Variants in DNAH17 observed in about 807,000 individuals in gnomAD.
The protein encoded by DNAH17 is dynein axonemal heavy chain 17.
DNAH17 carries 376 observed loss-of-function variants against 485.6 expected under a neutral mutation model. That is an observed-to-expected ratio of 0.77 (90% CI 0.71 to 0.84). DNAH17 has a LOEUF of 0.84. Ranked by LOEUF, DNAH17 falls within the 40% of genes least tolerant of loss-of-function variation. The probability of loss-of-function intolerance (pLI) is 0.00; values close to 1 mark genes in which losing one functional copy is unlikely to be tolerated. For missense variants in DNAH17, 6,370 were observed against 5,839.3 expected, an observed-to-expected ratio of 1.09 and a Z score of -2.96; for synonymous variants, 3,031 against 2,405.9, an observed-to-expected ratio of 1.26 and a Z score of -7.60.
In DNAH17 at chr17:78,525,121, G is replaced by A. The variant is rs374735478; in HGVS notation, c.3752C>T (p.Ala1251Val). 52 of 1,613,674 alleles carry A rather than the reference G, an allele frequency of 3.2e-5. 1 individual carries two copies. The South Asian group carries it at 4.3e-4, about 13-fold the overall frequency. ...GAACAGGCCCCCGGACTTGGACAGC[G>A]CCTCCATGATGCCTTCCATGGCGGA... Reference protein sequence around the residue: ...SISAMEGIMEALSKSGGLFEV... With the variant: ...SISAMEGIMEVLSKSGGLFEV... The change falls in exon 25 of 81, where the codon GCG becomes GTG. Residue 1251 changes from alanine (A) to valine (V), a missense_variant. Transcript: ENST00000389840.
chr17:78,438,108 G>A (rs796836694), intron 73 of DNAH17, among the ~76,000 whole-genome samples: 14 of 152,110 alleles, frequency 9.2e-5, no homozygotes, highest in African/African-American at 2.9e-4. Context: ...TCAATGAATT[G>A]CAAACCTCCA....
In DNAH17 at chr17:78,569,421, T is replaced by TAG. The variant is rs2092317779; in HGVS notation, c.1149_1150dup (p.Tyr384SerfsTer10). 1 of 1,612,700 alleles carries TAG rather than the reference T, an allele frequency of 6.2e-7. No individual in the cohort carries two copies. Among genetic ancestry groups the TAG allele is most frequent in the Non-Finnish European group, 8.5e-7 (1 of 1,179,360 alleles). ...CACGCAGCAGAAGTCGTACGTCTGG[T>TAG]AGAGCTCCTTCAGCACATTTACAGC... On this transcript the variant is annotated frameshift_variant, in exon 8 of 81. Coordinates refer to ENST00000389840, the MANE Select transcript of DNAH17 (RefSeq NM_173628.4). LOFTEE classifies it high-confidence loss of function.
At position 78,455,616 on chromosome 17, in the gene DNAH17, C is replaced by T. The variant is rs112076559; in HGVS notation, c.10170+28G>A. The T allele has an allele frequency of 0.032, 48,295 of 1,492,004 alleles. 967 individuals are homozygous for T. The highest frequency in any genetic ancestry group is 0.072 in the South Asian group (5,419 of 75,634). 92.4% of individuals were successfully genotyped at this position (1,492,004 alleles called of 1,614,324 possible). A position where few individuals can be genotyped will look rare whatever the true frequency, so the allele number is the denominator to read the frequency against. ...TGCTGGCATTACAGGCGTGAGCCACCGCGCCTGGCCAGGACTCCACTCCTT... is the reference window on the plus strand; with the variant it reads ...TGCTGGCATTACAGGCGTGAGCCACTGCGCCTGGCCAGGACTCCACTCCTT... On this transcript the variant is annotated intron_variant, in intron 63 of 80. Transcript: ENST00000389840.
intron 16 of DNAH17, among the ~76,000 whole-genome samples, chr17:78,545,057 AC>A (rs1482817797): frequency 6.7e-6 from 1 of 148,916 alleles, no homozygotes; most frequent in Non-Finnish European, 1.5e-5. Context: ...TGCCTCTGTC[AC>A]TCTTATCATT....
At chr17:78,562,156 A>G (rs1286327250) in intron 11 of DNAH17, among the ~76,000 whole-genome samples, 176 bp from the exon 12 acceptor site, 2 of 152,242 alleles carry the variant, frequency 1.3e-5, no homozygotes, top group Non-Finnish European at 2.9e-5. Context: ...GGAAGCCTCT[A>G]TGCTTTTCTC....
chr17:78,449,591 A>T lies in DNAH17; in HGVS notation c.11041-7T>A. The T allele has an allele frequency of 6.4e-7, 1 of 1,566,926 alleles. No homozygotes were observed. The highest frequency in any genetic ancestry group is 8.7e-7 in the Non-Finnish European group (1 of 1,153,730). On this transcript the variant is annotated splice_region_variant and splice_polypyrimidine_tract_variant and intron_variant, in intron 68 of 80. Coordinates refer to ENST00000389840, the MANE Select transcript of DNAH17 (RefSeq NM_173628.4). ...CAAACACCACGTTGAAGGCCTGGGG[A>T]TCCGCCACCGAGAGCCATGGAGGCG... is the stretch of plus-strand genomic sequence containing the variant.
chr17:78,428,599 A>C lies in DNAH17; in HGVS notation c.12514T>G (p.Phe4172Val). Residue 4172 changes from phenylalanine to valine, a missense_variant, in exon 77 of 81, where the codon TTC becomes GTC. Phe to Val is a conservative substitution (Grantham distance 50, BLOSUM62 -1). Coordinates refer to ENST00000389840, the MANE Select transcript of DNAH17 (RefSeq NM_173628.4). ...GGCTGCATTTCCAGGACAGTGCGGAACAGCTTCTCTGAGGTGACCGTCAGA... is the reference window on the plus strand; with the variant it reads ...GGCTGCATTTCCAGGACAGTGCGGACCAGCTTCTCTGAGGTGACCGTCAGA... ...GFLTVTSEKL[F>V]RTVLEMQPKE... 1 of 1,613,924 alleles carries C rather than the reference A, an allele frequency of 6.2e-7. No homozygotes were observed. The highest frequency in any genetic ancestry group is 8.5e-7 in the Non-Finnish European group (1 of 1,179,882).
intron 71 of DNAH17, among the ~76,000 whole-genome samples, chr17:78,441,711 G>A (rs1598453861): frequency 6.6e-6 from 1 of 152,308 alleles, no homozygotes; most frequent in East Asian, 1.9e-4. Context: ...GGCGGTCTTT[G>A]GATCAGGTGT....
chr17:78,576,923 G>A (rs1224026905), intron 1 of DNAH17, among the ~76,000 whole-genome samples: 1 of 152,182 alleles, frequency 6.6e-6, no homozygotes, highest in East Asian at 1.9e-4. Context: ...TTAACAATAG[G>A]GTTGTCCCAG....
rs1287598494 is a variant in DNAH17, at chr17:78,439,092, G to A, written c.11803C>T (p.Gln3935Ter). The change falls in exon 73 of 81, where the codon CAG (glutamine) becomes TAG (stop). Residue 3935 changes from glutamine (Q) to a stop codon, truncating the protein, a stop_gained and splice_region_variant. Coordinates refer to ENST00000389840, the MANE Select transcript of DNAH17 (RefSeq NM_173628.4). LOFTEE classifies it high-confidence loss of function. ...AAEKGHWVILQNIHLVARWLG... is the reference protein window; with the variant it reads ...AAEKGHWVIL ...CTGCAGTGCTGGCCCCCTCGTACCT[G>A]CAGAATGACCCAGTGTCCTTTCTCT... 11 of 1,613,054 alleles carry A rather than the reference G, an allele frequency of 6.8e-6. No individual in the cohort carries two copies. The South Asian group carries it at 1.2e-4, about 18-fold the overall frequency.
At position 78,538,138 on chromosome 17, in the gene DNAH17, C is replaced by CAAA. The variant is rs60460125; in HGVS notation, c.2677-660_2677-658dup. Among the ~76,000 whole-genome samples the CAAA allele has an allele frequency of 2.0e-3, 217 of 106,260 alleles. 1 individual carries two copies. Among genetic ancestry groups the CAAA allele is most frequent in the Middle Eastern group, 5.1e-3 (1 of 196 alleles). 69.7% of individuals were successfully genotyped at this position (106,260 alleles called of 152,430 possible). On this transcript the variant is annotated intron_variant, in intron 18 of 80. Coordinates refer to ENST00000389840, the MANE Select transcript of DNAH17 (RefSeq NM_173628.4). The stretch of plus-strand genomic sequence containing the variant: ...CTGGGCAAGAGCAAAACTCTGTCTC[C>CAAA]AAAAAAAAAAAAAAAAAAAAAAAAA...
rs573519793 is a variant in DNAH17 at position 78,559,102 on chromosome 17, C to T, written c.2032-848G>A. On this transcript the variant is annotated intron_variant, in intron 13 of 80. Coordinates refer to ENST00000389840, the MANE Select transcript of DNAH17 (RefSeq NM_173628.4). ...TTGAATGAGGTGTGATGTCATCCAA[C>T]GTTATAGCTGCCTTGACCAGCCAGC... Among the ~76,000 whole-genome samples the T allele has an allele frequency of 7.2e-5, 11 of 152,314 alleles. No homozygotes were observed. In the South Asian group the frequency reaches 8.3e-4, roughly 11 times the overall value.
chr17:78,437,651 A>C lies in DNAH17; in HGVS notation c.12023T>G (p.Leu4008Arg). The change falls in exon 74 of 81, where the codon CTG (leucine) becomes CGG (arginine). Residue 4008 changes from leucine (L) to arginine (R), a missense_variant. Physicochemically the swap from Leu to Arg is moderately radical, Grantham distance 102. Coordinates refer to ENST00000389840, the MANE Select transcript of DNAH17 (RefSeq NM_173628.4). ...MHANLHKALD[L>R]FTQDTLEMCT... is the part of the protein sequence containing the mutation. ...CAGGCGTGGCCCTACCTGGGTGAAC[A>C]GGTCCAGGGCCTTGTGCAAGTTGGC... 1 of 1,606,450 alleles carries C rather than the reference A, an allele frequency of 6.2e-7. No homozygotes were observed. The highest frequency in any genetic ancestry group is 8.5e-7 in the Non-Finnish European group (1 of 1,175,968).
chr17:78,557,398 A>G (rs117001278), intron 14 of DNAH17, among the ~76,000 whole-genome samples: 3,734 of 152,198 alleles, frequency 0.025, 67 homozygotes, highest in Non-Finnish European at 0.039. Flanking sequence ...CGGGCAAATC[A>G]CCTAAGGTCA....
intron 19 of DNAH17, among the ~76,000 whole-genome samples, chr17:78,535,808 C>T (rs2091359225): frequency 6.6e-6 from 1 of 152,234 alleles, no homozygotes; most frequent in South Asian, 2.1e-4. Context: ...CCTGTCACAA[C>T]ACCTTTCCAT....
chr17:78,437,505 T>G (rs2086886872), intron 74 of DNAH17, 136 bp downstream of exon 74: 1 of 587,110 alleles, frequency 1.7e-6, no homozygotes, highest in African/African-American at 1.9e-5. Flanking sequence ...CTGCGAGGGG[T>G]GTGTGGACAG....
chr17:78,489,521 A>G (rs2089755556), intron 44 of DNAH17: 1 of 152,060 alleles, frequency 6.6e-6, no homozygotes, highest in Non-Finnish European at 1.5e-5. Flanking sequence ...TAGCTCCCAA[A>G]TGCAATGGGA....
chr17:78,500,766 C>A (rs1046230793), intron 35 of DNAH17: 8 of 227,666 alleles, frequency 3.5e-5, no homozygotes, highest in Non-Finnish European at 6.9e-5. Context: ...ACCTCGGCCT[C>A]CCAAAGTGCT....
intron 16 of DNAH17, among the ~76,000 whole-genome samples, chr17:78,549,082 G>T (rs1169716422): frequency 6.6e-6 from 1 of 152,190 alleles, no homozygotes; most frequent in Non-Finnish European, 1.5e-5. Flanking sequence ...GCCCCTATTG[G>T]GTGAGTGTTA....
Sources: gnomAD v4.1 joint callset for allele counts (sites outside exome capture counted in the v4.1 genomes callset) on GRCh38, gnomAD v4.1.1 for gene constraint, MANE v1.5 for transcripts, NCBI Gene and HGNC (gene_info 2026-07-23, HGNC 2026-07-21) for gene names.